ELF4: variants seen among roughly 807,000 people sequenced by gnomAD.
ELF4 encodes the protein E74 like ETS transcription factor 4, also known as ETS-related transcription factor Elf-4.
In ELF4, 10 loss-of-function variants were observed where a neutral mutation model predicts 31.7. The ratio of observed to expected loss-of-function variants is 0.32; its 90% CI spans 0.19 to 0.54. The LOEUF is 0.54. Ranked by LOEUF, ELF4 falls within the 20% of genes least tolerant of loss-of-function variation. ELF4 has a pLI of 0.95. For missense variants in ELF4, 418 were observed against 522.0 expected, an observed-to-expected ratio of 0.80 and a Z score of 1.94; for synonymous variants, 208 against 226.7, an observed-to-expected ratio of 0.92 and a Z score of 0.74.
At chrX:130,095,661 T>G (rs1290335000) in intron 1 of ELF4, among the ~76,000 whole-genome samples, 1 of 111,552 alleles carries the variant, frequency 9.0e-6, no homozygotes, top group African/African-American at 3.3e-5. Context: ...CCATGTGAGC[T>G]CCTGTGGCCA....
In ELF4 at chrX:130,066,941, G is replaced by A. The variant is rs755967068; in HGVS notation, c.1772C>T (p.Pro591Leu). 1.9e-5 allele frequency: 23 copies of A among 1,210,650 alleles called. No individual in the cohort carries two copies. Among genetic ancestry groups the A allele is most frequent in the Non-Finnish European group, 2.2e-5 (20 of 895,292 alleles). Reference sequence around the variant, plus strand: ...CAAAGTCTGGTTGCCCAGAAGGCTCGGATTGTGGGAACCCCTGGAAACCAC... The same window carrying A: ...CAAAGTCTGGTTGCCCAGAAGGCTCAGATTGTGGGAACCCCTGGAAACCAC... ...TQVVSRGSHN[P>L]SLLGNQTLSP... The change falls in exon 9 of 9, where the codon CCG becomes CTG. Residue 591 changes from proline (P) to leucine (L), a missense_variant. Physicochemically the swap from Pro to Leu is moderately conservative, Grantham distance 98 (BLOSUM62 -3). Around this residue, in one of 4 missense-constraint regions of ELF4, gnomAD observed 260 missense variants for 269.2 expected, o/e 0.97. Coordinates refer to ENST00000308167, the MANE Select transcript of ELF4 (RefSeq NM_001421.4).
chrX:130,097,620 A>C (rs138419604), intron 1 of ELF4, among the ~76,000 whole-genome samples: 2,500 of 111,976 alleles, frequency 0.022, 59 homozygotes, highest in African/African-American at 0.077. Flanking sequence ...ATGAGATTCA[A>C]ATTCTCTATG....
At chrX:130,082,434 C>T (rs889869501) in intron 1 of ELF4, among the ~76,000 whole-genome samples, 1 of 112,105 alleles carries the variant, frequency 8.9e-6, no homozygotes, top group Non-Finnish European at 1.9e-5. Context: ...TGAACTGTCA[C>T]CCTGGGAACT....
intron 8 of ELF4, 113 bp from the exon 9 acceptor site, chrX:130,067,638 T>G: frequency 3.6e-6 from 3 of 842,614 alleles, no homozygotes; most frequent in Non-Finnish European, 5.2e-6. Context: ...TATTTGCTGT[T>G]TGTTGTTTTT....
In ELF4 at chrX:130,066,928, G is replaced by T; in HGVS notation, c.1785C>A (p.Gly595=). ...SRGSHNPSLL[G]NQTLSPPSRP... is the part of the protein sequence containing the mutation. Reference sequence around the variant, plus strand: ...GGCTGGGAGGAGACAAAGTCTGGTTGCCCAGAAGGCTCGGATTGTGGGAAC... The same window carrying T: ...GGCTGGGAGGAGACAAAGTCTGGTTTCCCAGAAGGCTCGGATTGTGGGAAC... Residue 595 remains glycine, a synonymous_variant, in exon 9 of 9, where the codon GGC becomes GGA. Transcript: ENST00000308167. 1 of 1,212,054 alleles carries T rather than the reference G, an allele frequency of 8.3e-7. No individual in the cohort carries two copies. Among genetic ancestry groups the T allele is most frequent in the Non-Finnish European group, 1.1e-6 (1 of 895,563 alleles).
At chrX:130,076,585 C>A (rs1397083099) in intron 2 of ELF4, among the ~76,000 whole-genome samples, 2 of 111,095 alleles carry the variant, frequency 1.8e-5, no homozygotes, top group African/African-American at 6.6e-5. Context: ...GCGCCTGCCA[C>A]CATACCTGGC....
chrX:130,106,847 G>A (rs1171133105), intron 1 of ELF4, among the ~76,000 whole-genome samples: 1 of 111,106 alleles, frequency 9.0e-6, no homozygotes, highest in Non-Finnish European at 1.9e-5. Flanking sequence ...GGGGAGACAG[G>A]GGGCATGGCA....
At chrX:130,100,787 G>C (rs548230531) in intron 1 of ELF4, among the ~76,000 whole-genome samples, 1 of 111,849 alleles carries the variant, frequency 8.9e-6, no homozygotes, top group East Asian at 2.8e-4. Flanking sequence ...TAAAATCCAC[G>C]GGATCAAAGC....
intron 7 of ELF4, among the ~76,000 whole-genome samples, 156 bp downstream of exon 7, chrX:130,070,884 G>A (rs186645199): frequency 9.2e-4 from 102 of 110,639 alleles, no homozygotes; most frequent in African/African-American, 3.2e-3. Flanking sequence ...GAGGGGGCCT[G>A]GGGAACAGAC....
At chrX:130,090,650 T>G (rs752806059) in intron 1 of ELF4, among the ~76,000 whole-genome samples, 2 of 112,070 alleles carry the variant, frequency 1.8e-5, no homozygotes, top group East Asian at 5.6e-4. Context: ...ACACCTTAGC[T>G]TTACTTCTTA....
In ELF4 at chrX:130,067,180, C is replaced by A. The variant is rs1213737992; in HGVS notation, c.1533G>T (p.Gly511=). The part of the protein sequence containing the change: ...PPTVTGAGPA[G]PSSQPPGTVI... ...CAGTCCCAGGGGGCTGAGAGCTGGGCCCTGCTGGTCCAGCCCCTGTGACCG... is the reference window on the plus strand; with the variant it reads ...CAGTCCCAGGGGGCTGAGAGCTGGGACCTGCTGGTCCAGCCCCTGTGACCG... The change falls in exon 9 of 9, where the codon GGG becomes GGT. Residue 511 remains glycine (G), a synonymous_variant. Transcript: ENST00000308167. The A allele has an allele frequency of 1.7e-6, 2 of 1,206,631 alleles. No individual in the cohort carries two copies. Among genetic ancestry groups the A allele is most frequent in the Admixed American group, 2.2e-5 (1 of 45,693 alleles).
chrX:130,064,968 A>T lies in ELF4; in HGVS notation c.*1753T>A, dbSNP rs1713139450. The stretch of plus-strand genomic sequence containing the variant: ...GATTTTATTAGAAAAAGGCACTTTA[A>T]TGCCAACTGCTGGAAACACGCATAG... On this transcript the variant is annotated 3_prime_UTR_variant, in exon 9 of 9. Coordinates refer to ENST00000308167, the MANE Select transcript of ELF4 (RefSeq NM_001421.4). 1 of 166,494 alleles carries T rather than the reference A, an allele frequency of 6.0e-6. No individual in the cohort carries two copies. Among genetic ancestry groups the T allele is most frequent in the Admixed American group, 8.1e-5 (1 of 12,398 alleles). The allele number at this position is 166,494 out of a possible 1,213,427, so 13.7% of individuals were successfully genotyped here. A position where few individuals can be genotyped will look rare whatever the true frequency, so the allele number is the denominator to read the frequency against.
In ELF4 at chrX:130,066,738, C is replaced by G; in HGVS notation, c.1975G>C (p.Glu659Gln). 1 of 1,210,151 alleles carries G rather than the reference C, an allele frequency of 8.3e-7. No homozygotes were observed. Among genetic ancestry groups the G allele is most frequent in the South Asian group, 1.8e-5 (1 of 56,846 alleles). ...CCCTTTGCTTATATGTCATGGGGCT[C>G]CATCTTAATGAGGGAAGTAGGGTTG... is the stretch of plus-strand genomic sequence containing the variant. ...PFNPTSLIKM[E>Q]PHDI is the part of the protein sequence containing the mutation. Residue 659 changes from glutamate (E) to glutamine (Q), a missense_variant, in exon 9 of 9, where the codon GAG becomes CAG. Glu to Gln is a conservative substitution (Grantham distance 29). Around this residue, in one of 4 missense-constraint regions of ELF4, gnomAD observed 260 missense variants for 269.2 expected, o/e 0.97. Coordinates refer to ENST00000308167, the MANE Select transcript of ELF4 (RefSeq NM_001421.4).
At chrX:130,093,922 C>A (rs1326575010) in intron 1 of ELF4, among the ~76,000 whole-genome samples, 1 of 112,348 alleles carries the variant, frequency 8.9e-6, no homozygotes, top group Non-Finnish European at 1.9e-5. Flanking sequence ...GAACCCTGCC[C>A]AGCCAGGCCT....
rs1389344473 is a variant in ELF4 at position 130,063,972 on chromosome X, T to TTTTTTATTA, written c.*2748_*2749insTAATAAAAA. 1.3e-4 allele frequency among the ~76,000 whole-genome samples: 12 copies of TTTTTTATTA among 93,325 alleles called. No individual in the cohort carries two copies. In the Admixed American group the frequency reaches 1.5e-3, roughly 12 times the overall value. 81.0% of individuals were successfully genotyped at this position (93,325 alleles called of 115,157 possible). On this transcript the variant is annotated 3_prime_UTR_variant, in exon 9 of 9. Coordinates refer to ENST00000308167, the MANE Select transcript of ELF4 (RefSeq NM_001421.4). ...TGACGGCCTTTTTGTTTGCTTGATT[T>TTTTTTATTA]TTATTATTATTATTATTATTATTAT...
chrX:130,072,518 C>A (rs1932797939), intron 4 of ELF4, 101 bp from the exon 5 acceptor site: 1 of 842,790 alleles, frequency 1.2e-6, no homozygotes, highest in Non-Finnish European at 1.7e-6. Context: ...GGGCGGGGGG[C>A]TCATCCCCCC....
Position 130,081,886 on chromosome X carries a change from T to C in ELF4, c.-209-347A>G, listed in dbSNP as rs1046134092. Among the ~76,000 whole-genome samples, 18 of 111,494 alleles carry C rather than the reference T, an allele frequency of 1.6e-4. No homozygotes were observed. The South Asian group carries it at 2.3e-3, about 14-fold the overall frequency. ...GGAGAAACTGCCAGATGGAGGAACT[T>C]TGCGCTCTCTCCACCCTGAAGACTA... On this transcript the variant is annotated intron_variant, in intron 1 of 8. Transcript: ENST00000308167.
chrX:130,067,435 C>T lies in ELF4; in HGVS notation c.1278G>A (p.Thr426=), dbSNP rs369363653. The change falls in exon 9 of 9, where the codon ACG becomes ACA. Residue 426 remains threonine, a synonymous_variant. Transcript: ENST00000308167. ...TGGCAGGAGGCCCATTGGTCAGCAC[C>T]GTGGTCAGTGGGATCGTCTGCAGGG... ...ALTLQTIPLT[T]VLTNGPPAST... The T allele has an allele frequency of 1.2e-5, 15 of 1,210,270 alleles. No homozygotes were observed. The highest frequency in any genetic ancestry group is 1.2e-4 in the East Asian group (4 of 33,768).
At chrX:130,068,532 C>G (rs1023645754) in intron 8 of ELF4, among the ~76,000 whole-genome samples, 15 of 112,065 alleles carry the variant, frequency 1.3e-4, no homozygotes, top group African/African-American at 4.6e-4. Context: ...TGCCTGCCCT[C>G]CTCGAAAGGG....
Sources: gnomAD v4.1 joint callset for allele counts (sites outside exome capture counted in the v4.1 genomes callset) on GRCh38, gnomAD v4.1.1 for gene constraint, gnomAD v4.1.1 regional missense constraint, MANE v1.5 for transcripts, NCBI Gene and HGNC (gene_info 2026-07-23, HGNC 2026-07-21) for gene names.